HACD3: variants seen among roughly 807,000 people sequenced by gnomAD.
HACD3 encodes the protein 3-hydroxyacyl-CoA dehydratase 3.
A neutral mutation model predicts 55.2 loss-of-function variants in HACD3; 30 were observed. That is an observed-to-expected ratio of 0.54 (90% CI 0.41 to 0.74). The LOEUF (loss-of-function observed/expected upper bound fraction) is 0.74, where lower values mean the gene tolerates loss of function less well. Ranked by LOEUF, HACD3 falls within the 30% of genes least tolerant of loss-of-function variation. The pLI, the probability that HACD3 is intolerant of heterozygous loss-of-function variation, is 0.00. For synonymous variants in HACD3, 141 were observed against 151.7 expected (o/e 0.93, Z 0.52); for missense variants, 363 against 440.1 (o/e 0.82, Z 1.57).
intron 1 of HACD3, among the ~76,000 whole-genome samples, chr15:65,538,781 A>T (rs2071989141): frequency 6.6e-6 from 1 of 152,208 alleles, no homozygotes. Context: ...CCTTTAAGAA[A>T]TTGCCACAGC....
chr15:65,558,828 C>A, intron 5 of HACD3, 97 bp downstream of exon 5: 1 of 1,407,902 alleles, frequency 7.1e-7, no homozygotes, highest in Non-Finnish European at 9.8e-7. Flanking sequence ...ATGATTTCAT[C>A]CCGGTGAGCT....
chr15:65,531,037 G>T (rs1027375907), intron 1 of HACD3, among the ~76,000 whole-genome samples: 3 of 152,230 alleles, frequency 2.0e-5, no homozygotes, highest in African/African-American at 7.2e-5. Flanking sequence ...CTGGCTGCCT[G>T]GCCGTCGGGG....
chr15:65,540,992 G>T (rs1025756334), intron 1 of HACD3, among the ~76,000 whole-genome samples: 2 of 151,988 alleles, frequency 1.3e-5, no homozygotes, highest in Non-Finnish European at 2.9e-5. Context: ...GAAGGGAAAA[G>T]AATTAATGAC....
intron 10 of HACD3, among the ~76,000 whole-genome samples, chr15:65,575,709 A>G (rs1201883639): frequency 1.3e-5 from 2 of 152,216 alleles, no homozygotes; most frequent in Non-Finnish European, 2.9e-5. Flanking sequence ...TATAGCCAAT[A>G]TAGTAAAAAG....
chr15:65,570,243 CTG>C, intron 8 of HACD3, 40 bp downstream of exon 8: 6 of 1,380,044 alleles, frequency 4.3e-6, no homozygotes, highest in Non-Finnish European at 6.2e-6. Context: ...ATGCTGCTCC[CTG>C]TTTGCAGCAG....
intron 10 of HACD3, 73 bp from the exon 11 acceptor site, chr15:65,576,230 T>G: frequency 6.5e-7 from 1 of 1,533,160 alleles, no homozygotes; most frequent in Non-Finnish European, 8.7e-7. Flanking sequence ...CTAGATACTG[T>G]CCCTGCCACA....
chr15:65,570,179 T>G lies in HACD3; in HGVS notation c.749T>G (p.Leu250Trp). ...GCTGTGGTTTTCTTTGTGTTTTATT[T>G]GTGGAGTGCAATTGAAATTTTCAGG... is the stretch of plus-strand genomic sequence containing the variant. ...NKAVVFFVFY[L>W]WSAIEIFRYS... Residue 250 changes from leucine to tryptophan, a missense_variant, in exon 8 of 11, where the codon TTG becomes TGG. Physicochemically the swap from Leu to Trp is moderately conservative, Grantham distance 61. Transcript: ENST00000261875. 6.2e-7 allele frequency: 1 copy of G among 1,611,696 alleles called. No individual in the cohort carries two copies. The highest frequency in any genetic ancestry group is 8.5e-7 in the Non-Finnish European group (1 of 1,178,124).
At position 65,556,600 on chromosome 15, in the gene HACD3, C is replaced by T. The variant is rs556361077; in HGVS notation, c.205-139C>T. ...GTTGGAGACCCCTGGTCTAGATGTTCCCTTTGCATCAGGACTTGCAGGACC... is the reference window on the plus strand; with the variant it reads ...GTTGGAGACCCCTGGTCTAGATGTTTCCTTTGCATCAGGACTTGCAGGACC... On this transcript the variant is annotated intron_variant, in intron 3 of 10. Coordinates refer to ENST00000261875, the MANE Select transcript of HACD3 (RefSeq NM_016395.4). 1.9e-5 allele frequency: 17 copies of T among 876,154 alleles called. No individual in the cohort carries two copies. In the African/African-American group the frequency reaches 2.5e-4, roughly 13 times the overall value. 54.3% of individuals were successfully genotyped at this position (876,154 alleles called of 1,614,324 possible). A position where few individuals can be genotyped will look rare whatever the true frequency, so the allele number is the denominator to read the frequency against.
chr15:65,532,048 A>G (rs2071906377), intron 1 of HACD3, among the ~76,000 whole-genome samples: 1 of 152,060 alleles, frequency 6.6e-6, no homozygotes, highest in Non-Finnish European at 1.5e-5. Flanking sequence ...ATTGAATTTA[A>G]TATAATCTTT....
At chr15:65,561,461 G>A (rs917775980) in intron 5 of HACD3, among the ~76,000 whole-genome samples, 1 of 149,554 alleles carries the variant, frequency 6.7e-6, no homozygotes, top group Non-Finnish European at 1.5e-5. Context: ...GCAAGACTCT[G>A]TCTCAAAAAA....
At chr15:65,573,209 AAACT>A (rs1302834147) in intron 10 of HACD3, among the ~76,000 whole-genome samples, 7 of 152,176 alleles carry the variant, frequency 4.6e-5, no homozygotes, top group African/African-American at 7.2e-5. Context: ...CTGCCTTTAT[AAACT>A]AACAGAAGGG....
intron 1 of HACD3, chr15:65,531,555 CTTTCTTTT>C (rs1411098893): frequency 1.4e-4 from 5 of 36,250 alleles, no homozygotes; most frequent in African/African-American, 2.1e-4. Context: ...TTCTTTCTTT[CTTTCTTTT>C]TTTTTCTTTT....
intron 6 of HACD3, among the ~76,000 whole-genome samples, chr15:65,563,939 C>T (rs370981121): frequency 1.2e-4 from 18 of 151,370 alleles, no homozygotes; most frequent in African/African-American, 3.9e-4. Flanking sequence ...CACTGCACTG[C>T]AGCCTGGTGA....
rs1002290326 is a variant in HACD3, at chr15:65,554,827, G to A, written c.131-60G>A. ...ACTTGGGAAAGAACTGCACCAAGCT[G>A]GCTTTTGGATGGCCTTGCTCTGCTC... On this transcript the variant is annotated intron_variant, in intron 2 of 10. Transcript: ENST00000261875. 1.5e-5 allele frequency: 18 copies of A among 1,211,894 alleles called. 1 individual carries two copies. The African/African-American group carries it at 2.1e-4, about 14-fold the overall frequency. 75.1% of individuals were successfully genotyped at this position (1,211,894 alleles called of 1,614,324 possible).
In HACD3 at chr15:65,577,809, A is replaced by G. The variant is rs570457535; in HGVS notation, c.*1430A>G. The G allele has an allele frequency of 2.6e-5, 4 of 152,676 alleles. No homozygotes were observed. The highest frequency in any genetic ancestry group is 2.6e-4 in the Admixed American group (4 of 15,306). The allele number at this position is 152,676 out of a possible 1,614,324, so 9.5% of individuals were successfully genotyped here. On this transcript the variant is annotated 3_prime_UTR_variant, in exon 11 of 11. Transcript: ENST00000261875. Reference sequence around the variant, plus strand: ...AGAACTTCGGGGTGAACACCCGCTGATCCTTTAACAAGGATTTCTGGCAGG... The same window carrying G: ...AGAACTTCGGGGTGAACACCCGCTGGTCCTTTAACAAGGATTTCTGGCAGG...
At chr15:65,537,970 T>A (rs1219759922) in intron 1 of HACD3, among the ~76,000 whole-genome samples, 160 of 2,932 alleles carry the variant, frequency 0.055, no homozygotes, top group East Asian at 0.12. Flanking sequence ...TATATATATA[T>A]ATATATATAT....
chr15:65,548,017 G>A (rs1246350685), intron 1 of HACD3, among the ~76,000 whole-genome samples: 1 of 152,130 alleles, frequency 6.6e-6, no homozygotes, highest in African/African-American at 2.4e-5. Context: ...AGGGTGAGGA[G>A]GAGAGAACAG....
intron 10 of HACD3, among the ~76,000 whole-genome samples, chr15:65,573,451 T>C (rs2072371231): frequency 6.6e-6 from 1 of 152,004 alleles, no homozygotes; most frequent in Admixed American, 6.6e-5. Context: ...CTACTAAAAG[T>C]ACAAAAATTG....
intron 7 of HACD3, chr15:65,566,703 G>C (rs142481681): frequency 1.1e-4 from 16 of 152,282 alleles, no homozygotes; most frequent in South Asian, 2.1e-4. Context: ...GTTACATTTT[G>C]CTAAGAAGTC....
Sources: gnomAD v4.1 joint callset for allele counts (sites outside exome capture counted in the v4.1 genomes callset) on GRCh38, gnomAD v4.1.1 for gene constraint, MANE v1.5 for transcripts, NCBI Gene and HGNC (gene_info 2026-07-23, HGNC 2026-07-21) for gene names.